The following SEMA3A variants were observed in gnomAD, a reference collection of about 807,000 sequenced individuals.
The protein encoded by SEMA3A is semaphorin 3A.
A neutral mutation model predicts 97.9 loss-of-function variants in SEMA3A; 29 were observed. The ratio of observed to expected loss-of-function variants is 0.30; its 90% confidence interval spans 0.22 to 0.40. The LOEUF (loss-of-function observed/expected upper bound fraction) is 0.40. Ranked by LOEUF, SEMA3A falls within the 10% of genes least tolerant of loss-of-function variation. The pLI, the probability that SEMA3A is intolerant of heterozygous loss-of-function variation, is 1.00. For synonymous variants in SEMA3A, 321 were observed against 323.7 expected, an observed-to-expected ratio of 0.99 and a Z score of 0.09; for missense variants, 763 against 951.3, an observed-to-expected ratio of 0.80 and a Z score of 2.60.
chr7:84,049,395 C>G (rs1246222387), intron 5 of SEMA3A, among the ~76,000 whole-genome samples: 1 of 152,006 alleles, frequency 6.6e-6, no homozygotes, highest in East Asian at 1.9e-4. Flanking sequence ...GATGATTGCT[C>G]TAGATAAGGT....
intron 2 of SEMA3A, among the ~76,000 whole-genome samples, chr7:84,327,120 G>T (rs1801792361): frequency 6.6e-6 from 1 of 151,854 alleles, no homozygotes; most frequent in African/African-American, 2.4e-5. Context: ...AAAATAATAG[G>T]TTATCTGAAA....
intron 1 of SEMA3A, among the ~76,000 whole-genome samples, chr7:84,184,391 ACT>A (rs1169765215): frequency 6.6e-6 from 1 of 152,084 alleles, no homozygotes; most frequent in African/African-American, 2.4e-5. Flanking sequence ...AAAGTAAGAA[ACT>A]CTGTAGCTCT....
intron 1 of SEMA3A, among the ~76,000 whole-genome samples, chr7:84,426,446 GAGAATGTAAC>G (rs1303000484): frequency 6.6e-6 from 1 of 152,026 alleles, no homozygotes; most frequent in Non-Finnish European, 1.5e-5. Context: ...ATATTTCACA[GAGAATGTAAC>G]AGAATGAAAC....
chr7:84,271,622 C>T (rs1800155512), intron 3 of SEMA3A, among the ~76,000 whole-genome samples: 1 of 152,088 alleles, frequency 6.6e-6, no homozygotes, highest in Non-Finnish European at 1.5e-5. Flanking sequence ...CTAGGTAATT[C>T]TGACACTTGA....
intron 1 of SEMA3A, among the ~76,000 whole-genome samples, chr7:84,399,126 G>C (rs1803826904): frequency 6.6e-6 from 1 of 152,124 alleles, no homozygotes; most frequent in African/African-American, 2.4e-5. Flanking sequence ...TGCTTGGGGA[G>C]GAAAAGCACG....
At chr7:84,300,752 TAA>T (rs1800989411) in intron 3 of SEMA3A, among the ~76,000 whole-genome samples, 1 of 152,110 alleles carries the variant, frequency 6.6e-6, no homozygotes, top group Non-Finnish European at 1.5e-5. Context: ...GCATAGTTAT[TAA>T]AAGAGATTTT....
intron 3 of SEMA3A, among the ~76,000 whole-genome samples, chr7:84,117,528 C>T (rs1371973319): frequency 1.3e-5 from 2 of 152,168 alleles, no homozygotes; most frequent in Non-Finnish European, 2.9e-5. Flanking sequence ...AGCACTACCG[C>T]CTGAGCTCCG....
chr7:84,110,680 T>C, intron 3 of SEMA3A, 91 bp from the exon 4 acceptor site: 2 of 1,408,904 alleles, frequency 1.4e-6, no homozygotes, highest in South Asian at 1.5e-5. Flanking sequence ...CAGATTTGTC[T>C]TTTGTTTTCT....
chr7:83,972,667 T>C (rs895930742), intron 15 of SEMA3A, among the ~76,000 whole-genome samples: 1 of 152,122 alleles, frequency 6.6e-6, no homozygotes, highest in Admixed American at 6.6e-5. Context: ...GTGATCCTTA[T>C]AACTTTTGGA....
chr7:84,376,242 T>C (rs1370466674), intron 1 of SEMA3A, among the ~76,000 whole-genome samples: 1 of 152,234 alleles, frequency 6.6e-6, no homozygotes, highest in Non-Finnish European at 1.5e-5. Context: ...AATTCTATTT[T>C]AGTTTTGTTG....
chr7:84,331,099 T>C (rs889550068), intron 2 of SEMA3A, among the ~76,000 whole-genome samples: 4 of 152,128 alleles, frequency 2.6e-5, no homozygotes, highest in African/African-American at 7.2e-5. Flanking sequence ...CTGTGACAGA[T>C]ATGGTTTTCT....
rs377225322 is a variant in SEMA3A at position 84,426,630 on chromosome 7, G to T, written c.-245-54730C>A. ...CTACCATTAATTCATGAAATCATAGGATTCTTACAAATTTATCTTAAATAT... is the reference window on the plus strand; with the variant it reads ...CTACCATTAATTCATGAAATCATAGTATTCTTACAAATTTATCTTAAATAT... On this transcript the variant is annotated intron_variant, in intron 1 of 3. Transcript: ENST00000424555. Among the ~76,000 whole-genome samples the T allele has an allele frequency of 6.6e-5, 10 of 152,106 alleles. 2 individuals carry two copies. The highest frequency in any genetic ancestry group is 6.6e-5 in the Admixed American group (1 of 15,250).
intron 11 of SEMA3A, among the ~76,000 whole-genome samples, chr7:84,003,416 A>G (rs1455875332): frequency 6.6e-6 from 1 of 152,148 alleles, no homozygotes; most frequent in Non-Finnish European, 1.5e-5. Context: ...CAGATTACTC[A>G]ACTAGGATCA....
chr7:84,063,715 G>C (rs1363487142), intron 4 of SEMA3A, among the ~76,000 whole-genome samples: 1 of 150,570 alleles, frequency 6.6e-6, no homozygotes, highest in Non-Finnish European at 1.5e-5. Context: ...GGGAAGTTTA[G>C]AGAAAAAAGA....
intron 1 of SEMA3A, among the ~76,000 whole-genome samples, chr7:84,175,091 A>C (rs1163251483): frequency 6.6e-6 from 1 of 152,184 alleles, no homozygotes; most frequent in Non-Finnish European, 1.5e-5. Flanking sequence ...CAGCCAGACC[A>C]GTGATTAAAA....
chr7:84,011,973 A>G (rs887886925), intron 7 of SEMA3A, among the ~76,000 whole-genome samples: 2 of 152,146 alleles, frequency 1.3e-5, no homozygotes, highest in Non-Finnish European at 2.9e-5. Flanking sequence ...GTTAACAGAA[A>G]TAAGACAAGC....
chr7:84,136,122 T>A (rs1406517846), intron 1 of SEMA3A, among the ~76,000 whole-genome samples: 1 of 152,136 alleles, frequency 6.6e-6, no homozygotes, highest in Non-Finnish European at 1.5e-5. Context: ...CAAAACTGTA[T>A]GTCCTGAATC....
chr7:84,455,529 A>G (rs1383357531), intron 1 of SEMA3A, among the ~76,000 whole-genome samples: 1 of 151,980 alleles, frequency 6.6e-6, no homozygotes, highest in East Asian at 1.9e-4. Flanking sequence ...CATATATTAC[A>G]TGTTAATTTC....
At chr7:84,464,553 A>G (rs1805942477) in intron 1 of SEMA3A, among the ~76,000 whole-genome samples, 1 of 152,214 alleles carries the variant, frequency 6.6e-6, no homozygotes, top group Non-Finnish European at 1.5e-5. Context: ...TGAAATAATG[A>G]CAGAGGTAGG....
Sources: allele counts gnomAD v4.1 joint callset (sites outside exome capture counted in the v4.1 genomes callset), GRCh38; gene constraint gnomAD v4.1.1; transcripts MANE v1.5; gene names NCBI Gene and HGNC (gene_info 2026-07-23, HGNC 2026-07-21).